The following BRWD1 variants were observed in gnomAD, a reference collection of about 807,000 sequenced individuals.
BRWD1 encodes bromodomain and WD repeat-containing protein 1.
Under a neutral mutation model 251.2 loss-of-function variants are expected in BRWD1, and 82 were observed. That is an observed-to-expected ratio of 0.33 (90% confidence interval 0.27 to 0.39). The LOEUF (loss-of-function observed/expected upper bound fraction) is 0.39, where lower values mean the gene tolerates loss of function less well. Among genes scored for constraint, BRWD1 ranks in the 10% least tolerant of loss-of-function variants. The pLI is 1.00. For missense variants in BRWD1, 2,233 were observed against 2,711.6 expected (o/e 0.82, Z 3.92); for synonymous variants, 918 against 902.8 (o/e 1.02, Z -0.30).
intron 21 of BRWD1, among the ~76,000 whole-genome samples, chr21:39,241,794 G>T (rs934251573): frequency 6.6e-6 from 1 of 152,060 alleles, no homozygotes; most frequent in African/African-American, 2.4e-5. Context: ...AACAGCATGA[G>T]CTCATTCTTG....
rs991063552 is a variant in BRWD1, at chr21:39,229,350, T to C, written c.3087A>G (p.Pro1029=). 6.2e-7 allele frequency: 1 copy of C among 1,606,072 alleles called. No individual in the cohort carries two copies. Among genetic ancestry groups the C allele is most frequent in the Non-Finnish European group, 8.5e-7 (1 of 1,173,160 alleles). The change falls in exon 26 of 41, where the codon CCA becomes CCG. Residue 1029 remains proline, a synonymous_variant. Coordinates refer to ENST00000342449, the MANE Select transcript of BRWD1 (RefSeq NM_033656.4). ...LCCLKLAFID[P]ATGKLMDKSF... ...ATTTGTCCATAAGTTTTCCAGTTGCTGGATCTATAAATGCTAGTTTTAGGC... is the reference window on the plus strand; with the variant it reads ...ATTTGTCCATAAGTTTTCCAGTTGCCGGATCTATAAATGCTAGTTTTAGGC...
At position 39,248,410 on chromosome 21, in the gene BRWD1, G is replaced by C. The variant is rs368757638; in HGVS notation, c.2350-578C>G. ...GCAGATCACTTGAGCCCAGGAGTTC[G>C]AGACCAACCCAGGCAACATGGAGAA... On this transcript the variant is annotated intron_variant, in intron 20 of 40. Transcript: ENST00000342449. Among the ~76,000 whole-genome samples, 7 of 151,782 alleles carry C rather than the reference G, an allele frequency of 4.6e-5. No homozygotes were observed. The East Asian group carries it at 9.7e-4, about 21-fold the overall frequency.
At chr21:39,209,436 G>GAA (rs779201176) in intron 36 of BRWD1, among the ~76,000 whole-genome samples, 2 of 123,094 alleles carry the variant, frequency 1.6e-5, no homozygotes, top group African/African-American at 3.0e-5. Context: ...GAGTAGGCTA[G>GAA]AAAAAAAAAA....
rs1165424629 is a variant in BRWD1, at chr21:39,213,100, TTTA to T, written c.3858+378_3858+380del. Among the ~76,000 whole-genome samples, 8 of 152,262 alleles carry T rather than the reference TTTA, an allele frequency of 5.3e-5. No homozygotes were observed. In the East Asian group the frequency reaches 1.2e-3, roughly 22 times the overall value. ...TGCACTACCACCCCCATCTAACTTT[TTTA>T]TTTATTGTAGAGACAGGGTCTCAAA... On this transcript the variant is annotated intron_variant, in intron 33 of 40. Transcript: ENST00000342449.
Position 39,298,541 on chromosome 21 carries a change from T to G in BRWD1, c.240A>C (p.Gln80His). ...NKHVAPDHLLQICQRIGPMLD... is the reference protein window; with the variant it reads ...NKHVAPDHLLHICQRIGPMLD... ...ACATAGGACCGATGCGCTGGCAGATTTGCAAAAGATGATCAGGAGCCACAT... is the reference window on the plus strand; with the variant it reads ...ACATAGGACCGATGCGCTGGCAGATGTGCAAAAGATGATCAGGAGCCACAT... The change falls in exon 5 of 41, where the codon CAA becomes CAC. Residue 80 changes from glutamine to histidine, a missense_variant. Gln to His is a conservative substitution (Grantham distance 24). Transcript: ENST00000342449. 1.2e-6 allele frequency: 2 copies of G among 1,605,502 alleles called. No homozygotes were observed. Among genetic ancestry groups the G allele is most frequent in the East Asian group, 2.3e-5 (1 of 44,390 alleles).
chr21:39,225,317 C>A, intron 27 of BRWD1, 120 bp from the exon 28 acceptor site: 1 of 679,706 alleles, frequency 1.5e-6, no homozygotes, highest in Non-Finnish European at 2.5e-6. Context: ...CAAAAACAGG[C>A]AAGCAGCGCT....
At chr21:39,313,701 G>C (rs2036610095), upstream of BRWD1, 1 of 387,316 alleles carries the variant, frequency 2.6e-6, no homozygotes, top group South Asian at 4.9e-5. Flanking sequence ...CTCCGCGGGG[G>C]GCGGGGGTTT....
chr21:39,266,305 T>C (rs2034920946), intron 15 of BRWD1, among the ~76,000 whole-genome samples: 2 of 152,074 alleles, frequency 1.3e-5, no homozygotes, highest in African/African-American at 2.4e-5. Flanking sequence ...TGTGTGTGTA[T>C]ATATATTATA....
At chr21:39,259,697 C>A (rs1333021046) in intron 17 of BRWD1, among the ~76,000 whole-genome samples, 1 of 152,034 alleles carries the variant, frequency 6.6e-6, no homozygotes, top group Non-Finnish European at 1.5e-5. Context: ...ATTAGCCGGG[C>A]CTGGTGGCGC....
chr21:39,202,589 C>A, intron 37 of BRWD1, 44 bp from the exon 38 acceptor site: 1 of 1,386,122 alleles, frequency 7.2e-7, no homozygotes. Flanking sequence ...TAACAAAATA[C>A]AAAGATAATT....
chr21:39,296,545 C>G, intron 5 of BRWD1, 182 bp from the exon 6 acceptor site: 3 of 1,235,996 alleles, frequency 2.4e-6, no homozygotes, highest in Non-Finnish European at 3.0e-6. Flanking sequence ...ATTAAGACAT[C>G]TCAGATACAG....
chr21:39,251,642 A>G (rs1371994803), intron 19 of BRWD1, among the ~76,000 whole-genome samples: 1 of 152,226 alleles, frequency 6.6e-6, no homozygotes, highest in Non-Finnish European at 1.5e-5. Flanking sequence ...TACGCCAGAC[A>G]GCCCACACTC....
intron 22 of BRWD1, among the ~76,000 whole-genome samples, 157 bp downstream of exon 22, chr21:39,238,322 T>C (rs1405974428): frequency 1.3e-5 from 2 of 150,454 alleles, no homozygotes; most frequent in African/African-American, 2.4e-5. Flanking sequence ...AATACTCCTA[T>C]AGGAACAGCT....
In BRWD1 at chr21:39,278,817, TA is replaced by T. The variant is rs2035359731; in HGVS notation, c.933-5del. 6.3e-7 allele frequency: 1 copy of T among 1,576,912 alleles called. No homozygotes were observed. The highest frequency in any genetic ancestry group is 1.4e-5 in the African/African-American group (1 of 72,878). On this transcript the variant is annotated splice_polypyrimidine_tract_variant and splice_region_variant and intron_variant, in intron 9 of 40. Transcript: ENST00000342449. ...AGTGAACTTCAGGGGACGTGGGCTT[TA>T]AAAGAAGAAGATGCTGCTTTAAAAT...
chr21:39,304,838 G>T (rs1030585548), intron 4 of BRWD1, among the ~76,000 whole-genome samples: 1 of 151,440 alleles, frequency 6.6e-6, no homozygotes, highest in Admixed American at 6.6e-5. Context: ...AATGAATAAA[G>T]CATTTTCTAA....
At position 39,225,072 on chromosome 21, in the gene BRWD1, A is replaced by G; in HGVS notation, c.3320+14T>C. Reference sequence around the variant, plus strand: ...AATTACTGGGAAATGATTAGTTTTCATCTGTATACAAACCTAACAATATAA... The same window carrying G: ...AATTACTGGGAAATGATTAGTTTTCGTCTGTATACAAACCTAACAATATAA... On this transcript the variant is annotated intron_variant, in intron 28 of 40. Coordinates refer to ENST00000342449, the MANE Select transcript of BRWD1 (RefSeq NM_033656.4). The G allele has an allele frequency of 2.7e-6, 4 of 1,502,950 alleles. No homozygotes were observed. The highest frequency in any genetic ancestry group is 3.7e-6 in the Non-Finnish European group (4 of 1,080,038). 93.1% of individuals were successfully genotyped at this position (1,502,950 alleles called of 1,614,324 possible).
chr21:39,212,777 A>G, intron 33 of BRWD1, 70 bp from the exon 34 acceptor site: 1 of 1,111,424 alleles, frequency 9.0e-7, no homozygotes, highest in Non-Finnish European at 1.3e-6. Flanking sequence ...ATCTTAATAA[A>G]TAACATATCA....
At chr21:39,234,209 A>C (rs2033728177) in intron 23 of BRWD1, among the ~76,000 whole-genome samples, 1 of 152,180 alleles carries the variant, frequency 6.6e-6, no homozygotes. Flanking sequence ...CAACAATGAG[A>C]GATGCAGAAG....
In BRWD1 at chr21:39,270,001, T is replaced by C. The variant is rs747428877; in HGVS notation, c.1428A>G (p.Thr476=). Residue 476 remains threonine, a synonymous_variant, in exon 15 of 41, where the codon ACA becomes ACG. Coordinates refer to ENST00000342449, the MANE Select transcript of BRWD1 (RefSeq NM_033656.4). ...ACATAATTCTGGAATCAAAGGGATG[T>C]GTCTCCAGAACAAATACTTCATCAG... The part of the protein sequence containing the change: ...GHADEVFVLE[T]HPFDSRIMLS... The C allele has an allele frequency of 6.3e-7, 1 of 1,594,204 alleles. No homozygotes were observed. The highest frequency in any genetic ancestry group is 8.5e-7 in the Non-Finnish European group (1 of 1,169,834).
Sources: allele counts gnomAD v4.1 joint callset (sites outside exome capture counted in the v4.1 genomes callset), GRCh38; gene constraint gnomAD v4.1.1; transcripts MANE v1.5; gene names NCBI Gene and HGNC (gene_info 2026-07-23, HGNC 2026-07-21).